The following SYTL3 variants were observed in gnomAD, a reference collection of about 807,000 sequenced individuals.
SYTL3 encodes the protein synaptotagmin-like protein 3.
A neutral mutation model predicts 82.1 loss-of-function variants in SYTL3; 88 were observed. The ratio of observed to expected loss-of-function variants is 1.07; its 90% CI spans 0.90 to 1.28. SYTL3 has a LOEUF of 1.28. Ranked by LOEUF, SYTL3 falls within the 50% of genes most tolerant of loss-of-function variation. SYTL3 has a pLI of 0.00. For synonymous variants in SYTL3, 311 were observed against 289.4 expected (o/e 1.07, Z -0.76); for missense variants, 831 against 757.6 (o/e 1.10, Z -1.14).
intron 11 of SYTL3, among the ~76,000 whole-genome samples, chr6:158,731,369 A>G (rs1390782104): frequency 6.6e-6 from 1 of 151,900 alleles, no homozygotes; most frequent in African/African-American, 2.4e-5. Flanking sequence ...CACCCTGGGG[A>G]CCACGTCCTC....
At chr6:158,699,658 A>T (rs1780951311) in intron 6 of SYTL3, among the ~76,000 whole-genome samples, 1 of 151,918 alleles carries the variant, frequency 6.6e-6, no homozygotes, top group African/African-American at 2.4e-5. Context: ...TTTATTTTTT[A>T]AAAATTGGGC....
In SYTL3 at chr6:158,708,532, G is replaced by A. The variant is rs146993304; in HGVS notation, c.516+141G>A. ...CTGTGCCTGGAGCGGGTCACAAAGC[G>A]GGGTGGGGAGCGAGGGCCCTCAGGC... On this transcript the variant is annotated intron_variant, in intron 8 of 17. Transcript: ENST00000611299. 6.6e-5 allele frequency: 51 copies of A among 772,284 alleles called. No homozygotes were observed. The South Asian group carries it at 7.6e-4, about 12-fold the overall frequency. 47.8% of individuals were successfully genotyped at this position (772,284 alleles called of 1,614,324 possible).
chr6:158,707,227 C>A lies in SYTL3; in HGVS notation c.395-3C>A. On this transcript the variant is annotated splice_region_variant and splice_polypyrimidine_tract_variant and intron_variant, in intron 6 of 17. Coordinates refer to ENST00000611299, the MANE Select transcript of SYTL3 (RefSeq NM_001242394.2). ...AAACGCCCTCTATGGATATCTCTCG[C>A]AGGCAAACATGAGACAGTTGGAGGG... 6.2e-7 allele frequency: 1 copy of A among 1,613,796 alleles called. No homozygotes were observed. Among genetic ancestry groups the A allele is most frequent in the Non-Finnish European group, 8.5e-7 (1 of 1,179,994 alleles).
At chr6:158,701,636 G>T (rs2128442729) in intron 6 of SYTL3, among the ~76,000 whole-genome samples, 1 of 151,830 alleles carries the variant, frequency 6.6e-6, no homozygotes, top group South Asian at 2.1e-4. Context: ...GAGCGAAGGA[G>T]ATGGGGGTGG....
In SYTL3 at chr6:158,762,118, T is replaced by C. The variant is rs755466241; in HGVS notation, c.1457T>C (p.Val486Ala). ...PSLHGQLCLV[V>A]LGAKNLPVRP... The stretch of plus-strand genomic sequence containing the variant: ...CTTCATGGTCAACTTTGTTTGGTAG[T>C]GCTAGGAGCCAAGAATTTACCTGTG... The change falls in exon 16 of 18, where the codon GTG (valine) becomes GCG (alanine). Residue 486 changes from valine (V) to alanine (A), a missense_variant. Physicochemically the swap from Val to Ala is moderately conservative, Grantham distance 64 (BLOSUM62 0). Transcript: ENST00000611299. 1 of 1,614,056 alleles carries C rather than the reference T, an allele frequency of 6.2e-7. No homozygotes were observed. Among genetic ancestry groups the C allele is most frequent in the East Asian group, 2.2e-5 (1 of 44,882 alleles).
chr6:158,651,573 C>T (rs535111633), intron 1 of SYTL3, among the ~76,000 whole-genome samples, 180 bp from the exon 2 acceptor site: 22 of 151,826 alleles, frequency 1.4e-4, no homozygotes, highest in African/African-American at 3.1e-4. Context: ...GGTGACAGAG[C>T]GAGACTCCAT....
chr6:158,763,408 C>T lies in SYTL3; in HGVS notation c.1622C>T (p.Thr541Ile), dbSNP rs1330370286. Residue 541 changes from threonine (T) to isoleucine (I), a missense_variant, in exon 17 of 18, where the codon ACC (threonine) becomes ATC (isoleucine). Thr to Ile is a moderately conservative substitution (Grantham distance 89). Coordinates refer to ENST00000611299, the MANE Select transcript of SYTL3 (RefSeq NM_001242394.2). ...WKHSFVFSGV[T>I]PAQLRQSSLE... ...CACTCATTTGTCTTCAGTGGCGTAA[C>T]CCCAGCTCAGCTGAGGCAGTCAAGC... 1 of 1,614,182 alleles carries T rather than the reference C, an allele frequency of 6.2e-7. No homozygotes were observed. Among genetic ancestry groups the T allele is most frequent in the Non-Finnish European group, 8.5e-7 (1 of 1,180,004 alleles).
At chr6:158,701,203 T>TCTAGGGGAG (rs1562393255) in intron 6 of SYTL3, among the ~76,000 whole-genome samples, 9 of 104,580 alleles carry the variant, frequency 8.6e-5, no homozygotes, top group African/African-American at 3.1e-4. Context: ...TGAAGGAGTG[T>TCTAGGGGAG]GAGCTGGGGT....
chr6:158,751,251 G>A (rs1788347099), intron 12 of SYTL3, among the ~76,000 whole-genome samples: 1 of 152,020 alleles, frequency 6.6e-6, no homozygotes. Context: ...GAGGGGGCTT[G>A]GGCTGCTGCT....
At chr6:158,724,853 A>G (rs1275133547) in intron 10 of SYTL3, among the ~76,000 whole-genome samples, 1 of 152,134 alleles carries the variant, frequency 6.6e-6, no homozygotes, top group African/African-American at 2.4e-5. Context: ...CATCTCTACT[A>G]AAAATACAAA....
At chr6:158,764,392 C>A in intron 17 of SYTL3, 103 bp from the exon 18 acceptor site, 1 of 813,172 alleles carries the variant, frequency 1.2e-6, no homozygotes, top group Non-Finnish European at 2.0e-6. Context: ...TTAATGTGGA[C>A]TTGAGGTGAA....
At chr6:158,704,202 A>G (rs555610148) in intron 6 of SYTL3, among the ~76,000 whole-genome samples, 8 of 152,000 alleles carry the variant, frequency 5.3e-5, no homozygotes, top group African/African-American at 1.4e-4. Flanking sequence ...TTCAGTGCCC[A>G]TGAAGTTTCG....
chr6:158,728,362 C>CTGTTGTA (rs1784990080), intron 11 of SYTL3, among the ~76,000 whole-genome samples: 1 of 151,740 alleles, frequency 6.6e-6, no homozygotes, highest in African/African-American at 2.4e-5. Flanking sequence ...AAAAAAAAGA[C>CTGTTGTA]TGTTGTATCC....
chr6:158,699,338 TG>T (rs1418536669), intron 6 of SYTL3, among the ~76,000 whole-genome samples: 1 of 152,082 alleles, frequency 6.6e-6, no homozygotes, highest in African/African-American at 2.4e-5. Flanking sequence ...CTGGTATGGT[TG>T]GGGGTTAGCG....
At position 158,757,987 on chromosome 6, in the gene SYTL3, C is replaced by T. The variant is rs528298513; in HGVS notation, c.1308+606C>T. Among the ~76,000 whole-genome samples the T allele has an allele frequency of 5.3e-5, 8 of 152,028 alleles. 1 individual carries two copies. The East Asian group carries it at 1.2e-3, about 22-fold the overall frequency. ...GATGGACTCCATTTAGGATCCGTGT[C>T]CCCCAGGCTATGCAGGTAGGAGGAG... On this transcript the variant is annotated intron_variant, in intron 14 of 17. Coordinates refer to ENST00000611299, the MANE Select transcript of SYTL3 (RefSeq NM_001242394.2).
chr6:158,730,828 G>A (rs530322985), intron 11 of SYTL3, among the ~76,000 whole-genome samples: 13 of 152,216 alleles, frequency 8.5e-5, no homozygotes, highest in Non-Finnish European at 1.8e-4. Flanking sequence ...AAACCGCAGG[G>A]GCGGTAAAGC....
At chr6:158,759,384 C>CAG (rs59447976) in intron 14 of SYTL3, among the ~76,000 whole-genome samples, 53,621 of 151,980 alleles carry the variant, frequency 0.35, 10,472 homozygotes, top group East Asian at 0.79. Context: ...GCCAGGAAGA[C>CAG]GGGCTGGCCC....
At chr6:158,673,113 A>G (rs1251111778) in intron 5 of SYTL3, among the ~76,000 whole-genome samples, 1 of 152,072 alleles carries the variant, frequency 6.6e-6, no homozygotes, top group Non-Finnish European at 1.5e-5. Flanking sequence ...ATATGTTTTA[A>G]GACAAGGTCT....
chr6:158,752,349 G>A (rs536649594), intron 13 of SYTL3, among the ~76,000 whole-genome samples: 3 of 152,294 alleles, frequency 2.0e-5, no homozygotes, highest in African/African-American at 7.2e-5. Flanking sequence ...TTAAACATTA[G>A]TTTGTCTTAG....
Sources: gnomAD v4.1 joint callset for allele counts (sites outside exome capture counted in the v4.1 genomes callset) on GRCh38, gnomAD v4.1.1 for gene constraint, MANE v1.5 for transcripts, NCBI Gene and HGNC (gene_info 2026-07-23, HGNC 2026-07-21) for gene names.